EXOC5: variants seen among roughly 807,000 people sequenced by gnomAD.
The protein encoded by EXOC5 is SEC10-like 1.
A neutral mutation model predicts 90.8 loss-of-function variants in EXOC5; 17 were observed. The ratio of observed to expected loss-of-function variants is 0.19; its 90% CI spans 0.13 to 0.28. EXOC5 has a LOEUF of 0.28. Ranked by LOEUF, EXOC5 falls within the 10% of genes least tolerant of loss-of-function variation. The probability of loss-of-function intolerance (pLI) is 1.00; values close to 1 mark genes in which losing one functional copy is unlikely to be tolerated. For synonymous variants in EXOC5, 260 were observed against 270.0 expected (o/e 0.96, Z 0.36); for missense variants, 569 against 830.6 (o/e 0.69, Z 3.87).
intron 15 of EXOC5, among the ~76,000 whole-genome samples, chr14:57,217,201 T>C (rs1204035321): frequency 6.6e-6 from 1 of 152,100 alleles, no homozygotes; most frequent in African/African-American, 2.4e-5. Flanking sequence ...GTACAGAAAT[T>C]CCTCAAAAAC....
In EXOC5 at chr14:57,200,882, A is replaced by G. The variant is rs780008218; in HGVS notation, c.*7727T>C. ...TGCAATGACCATTCTTATTCCCTCA[A>G]TTTGGTCCTAAAGCCAAAACTTCAA... On this transcript the variant is annotated 3_prime_UTR_variant, in exon 18 of 18. Coordinates refer to ENST00000621441, the MANE Select transcript of EXOC5 (RefSeq NM_006544.4). The G allele has an allele frequency of 6.6e-6, 1 of 152,082 alleles. No homozygotes were observed. The highest frequency in any genetic ancestry group is 1.5e-5 in the Non-Finnish European group (1 of 68,004). The allele number at this position is 152,082 out of a possible 1,614,324, so 9.4% of individuals were successfully genotyped here.
intron 15 of EXOC5, among the ~76,000 whole-genome samples, chr14:57,210,813 A>C (rs1166924062): frequency 6.6e-6 from 1 of 152,216 alleles, no homozygotes; most frequent in Non-Finnish European, 1.5e-5. Context: ...AAGGTAACCA[A>C]ACAGCACAGT....
Position 57,235,737 on chromosome 14 carries a change from C to G in EXOC5, c.643G>C (p.Val215Leu), listed in dbSNP as rs1566732080. Residue 215 changes from valine to leucine, a missense_variant, in exon 7 of 18, where the codon GTA becomes CTA. By Grantham distance (32) the Val-to-Leu change is conservative. This residue lies in a region of EXOC5 where 97 missense variants were observed against 177.9 expected (regional missense o/e 0.55). Coordinates refer to ENST00000621441, the MANE Select transcript of EXOC5 (RefSeq NM_006544.4). The part of the protein sequence containing the change: ...RRGEISRMRE[V>L]AAVLLHFKGY... ...TTAAAATGAAGTAAAACTGCTGCTA[C>G]TTCTCTCATTCTGGAGATTTCACCT... The G allele has an allele frequency of 1.3e-6, 2 of 1,545,452 alleles. No individual in the cohort carries two copies.
intron 1 of EXOC5, among the ~76,000 whole-genome samples, chr14:57,250,322 T>C (rs557327977): frequency 1.1e-4 from 17 of 152,212 alleles, no homozygotes; most frequent in Admixed American, 5.9e-4. Context: ...CAAAGTCTTA[T>C]AGGATGTACT....
intron 1 of EXOC5, 179 bp downstream of exon 1, chr14:57,268,443 C>A: frequency 6.8e-7 from 1 of 1,478,342 alleles, no homozygotes. Flanking sequence ...CCAAGCACCC[C>A]TCCCCCATTT....
intron 15 of EXOC5, among the ~76,000 whole-genome samples, chr14:57,215,218 G>A (rs1352860129): frequency 6.6e-6 from 1 of 151,388 alleles, no homozygotes; most frequent in Non-Finnish European, 1.5e-5. Flanking sequence ...GGCAACAGAG[G>A]GAGACTCCGT....
chr14:57,242,176 A>T (rs1338012100), intron 4 of EXOC5, among the ~76,000 whole-genome samples: 1 of 151,598 alleles, frequency 6.6e-6, no homozygotes, highest in African/African-American at 2.4e-5. Context: ...CAAAACCAAC[A>T]TATGTGTAAG....
intron 11 of EXOC5, 119 bp downstream of exon 11, chr14:57,231,387 G>T: frequency 1.5e-6 from 1 of 663,224 alleles, no homozygotes; most frequent in Non-Finnish European, 2.6e-6. Context: ...TAACAATCTG[G>T]ATTAAAAGAA....
At chr14:57,260,878 T>C (rs1243374547) in intron 1 of EXOC5, among the ~76,000 whole-genome samples, 1 of 152,200 alleles carries the variant, frequency 6.6e-6, no homozygotes, top group Non-Finnish European at 1.5e-5. Flanking sequence ...TAATAAAATC[T>C]GCCATTAGCA....
At chr14:57,250,216 C>T (rs1884150947) in intron 1 of EXOC5, among the ~76,000 whole-genome samples, 1 of 152,050 alleles carries the variant, frequency 6.6e-6, no homozygotes, top group South Asian at 2.1e-4. Context: ...GTATACAATC[C>T]ATGAAAAGAG....
At chr14:57,236,900 A>AT (rs1304857835) in intron 6 of EXOC5, among the ~76,000 whole-genome samples, 6 of 145,996 alleles carry the variant, frequency 4.1e-5, no homozygotes, top group African/African-American at 1.7e-4. Flanking sequence ...TGAAATGCTT[A>AT]TATAATCTTA....
In EXOC5 at chr14:57,268,652, G is replaced by A. The variant is rs760313636; in HGVS notation, c.-4C>T. On this transcript the variant is annotated 5_prime_UTR_variant, in exon 1 of 18. Transcript: ENST00000621441. ...AGAGCTCGGCCGTGGTAGCCATCCC[G>A]GCCGGCTGAGAGGCTCGCCCCCCAC... 7.6e-6 allele frequency: 12 copies of A among 1,588,026 alleles called. No homozygotes were observed. The South Asian group carries it at 1.2e-4, about 16-fold the overall frequency.
intron 2 of EXOC5, 49 bp from the exon 3 acceptor site, chr14:57,246,907 T>A: frequency 9.1e-7 from 1 of 1,102,258 alleles, no homozygotes; most frequent in African/African-American, 1.6e-5. Flanking sequence ...TTATTAATCC[T>A]TAGGAACTGA....
rs996054246 is a variant in EXOC5 at position 57,244,169 on chromosome 14, T to C, written c.461A>G (p.Glu154Gly). 1 of 1,610,478 alleles carries C rather than the reference T, an allele frequency of 6.2e-7. No homozygotes were observed. The highest frequency in any genetic ancestry group is 1.3e-5 in the African/African-American group (1 of 74,860). The part of the protein sequence containing the change: ...ELKSDVFTNS[E>G]KIKEAADIIQ... ...TTATCCTCTGACAGCACTTACCTTT[T>C]CAGAATTTGTAAAAACATCAGATTT... The change falls in exon 4 of 18, where the codon GAA (glutamate) becomes GGA (glycine). Residue 154 changes from glutamate to glycine, a missense_variant. Physicochemically the swap from Glu to Gly is moderately conservative, Grantham distance 98. Around this residue, in one of 9 missense-constraint regions of EXOC5, gnomAD observed 97 missense variants for 177.9 expected, o/e 0.55. Coordinates refer to ENST00000621441, the MANE Select transcript of EXOC5 (RefSeq NM_006544.4).
intron 1 of EXOC5, among the ~76,000 whole-genome samples, chr14:57,255,138 A>G (rs1249813168): frequency 2.6e-5 from 4 of 152,130 alleles, no homozygotes; most frequent in Non-Finnish European, 5.9e-5. Flanking sequence ...CACAGTACAG[A>G]CAACATGGCC....
At chr14:57,239,781 T>G (rs1883800477) in intron 4 of EXOC5, 122 bp from the exon 5 acceptor site, 1 of 574,616 alleles carries the variant, frequency 1.7e-6, no homozygotes, top group African/African-American at 1.9e-5. Context: ...CTAAAAAAAT[T>G]TCCTTTAAAA....
At position 57,203,778 on chromosome 14, in the gene EXOC5, T is replaced by C. The variant is rs1385398884; in HGVS notation, c.*4831A>G. On this transcript the variant is annotated 3_prime_UTR_variant, in exon 18 of 18. Coordinates refer to ENST00000621441, the MANE Select transcript of EXOC5 (RefSeq NM_006544.4). ...TGTCTCTTAAACACAGTAATATAAA[T>C]ATTAGTATCTTGGCTAAAATGAATT... The C allele has an allele frequency of 6.6e-6, 1 of 152,592 alleles. No individual in the cohort carries two copies. Among genetic ancestry groups the C allele is most frequent in the East Asian group, 1.9e-4 (1 of 5,200 alleles). The allele number at this position is 152,592 out of a possible 1,614,324, so 9.5% of individuals were successfully genotyped here. A position where few individuals can be genotyped will look rare whatever the true frequency, so the allele number is the denominator to read the frequency against.
chr14:57,232,611 A>G lies in EXOC5; in HGVS notation c.938+56T>C, dbSNP rs1883519772. 4.0e-6 allele frequency: 3 copies of G among 756,978 alleles called. No homozygotes were observed. The South Asian group carries it at 6.0e-5, about 15-fold the overall frequency. 46.9% of individuals were successfully genotyped at this position (756,978 alleles called of 1,614,324 possible). ...AATACCTGAATACTTCCTTGTTTTT[A>G]TCAAAAAAATTTAAAAAATCTGTTA... On this transcript the variant is annotated intron_variant, in intron 10 of 17. Coordinates refer to ENST00000621441, the MANE Select transcript of EXOC5 (RefSeq NM_006544.4).
intron 15 of EXOC5, among the ~76,000 whole-genome samples, chr14:57,217,356 A>T (rs186988485): frequency 1.3e-5 from 2 of 152,160 alleles, no homozygotes; most frequent in African/African-American, 4.8e-5. Context: ...ATGGCAACGC[A>T]AGTCTATCCG....
Sources: gnomAD v4.1 joint callset for allele counts (sites outside exome capture counted in the v4.1 genomes callset) on GRCh38, gnomAD v4.1.1 for gene constraint, gnomAD v4.1.1 regional missense constraint, MANE v1.5 for transcripts, NCBI Gene and HGNC (gene_info 2026-07-23, HGNC 2026-07-21) for gene names.